The following AMMECR1 variants were observed in gnomAD, a reference collection of about 807,000 sequenced individuals.
AMMECR1 encodes the protein AMMECR nuclear protein 1.
Under a neutral mutation model 22.5 loss-of-function variants are expected in AMMECR1, and 3 were observed. The observed-to-expected ratio is 0.13, with a 90% CI of 0.06 to 0.35. AMMECR1 has a LOEUF of 0.35. Ranked by LOEUF, AMMECR1 falls within the 10% of genes least tolerant of loss-of-function variation. AMMECR1 has a pLI of 1.00. For missense variants in AMMECR1, 235 were observed against 278.7 expected (o/e 0.84, Z 1.12); for synonymous variants, 130 against 116.7 (o/e 1.11, Z -0.74).
At chrX:110,240,542 T>G in intron 2 of AMMECR1, among the ~76,000 whole-genome samples, 1 of 107,199 alleles carries the variant, frequency 9.3e-6, no homozygotes, top group East Asian at 2.9e-4. Context: ...ATCCTAAATA[T>G]ATATGCACCC....
At chrX:110,316,354 C>G (rs2068047598) in intron 1 of AMMECR1, among the ~76,000 whole-genome samples, 1 of 111,525 alleles carries the variant, frequency 9.0e-6, no homozygotes, top group Non-Finnish European at 1.9e-5. Context: ...AACATCAATT[C>G]AGGTATTTAT....
At chrX:110,318,349 A>G (rs1475558577), upstream of AMMECR1, 1 of 111,413 alleles carries the variant, frequency 9.0e-6, no homozygotes, top group Non-Finnish European at 1.9e-5. Flanking sequence ...CCCAATCTCA[A>G]TCTCTCCGGC....
At chrX:110,346,932 A>G (rs766731796) in intron 2 of AMMECR1, 6 of 542,898 alleles carry the variant, frequency 1.1e-5, no homozygotes, top group Non-Finnish European at 2.0e-5. Context: ...GGCCGGGCCG[A>G]TTCGTGGGTC....
rs771229072 is a variant in AMMECR1 at position 110,344,822 on chromosome X, G to A, written c.-147-26973C>T. Among the ~76,000 whole-genome samples, 22 of 111,104 alleles carry A rather than the reference G, an allele frequency of 2.0e-4. 1 individual carries two copies. In the South Asian group the frequency reaches 5.0e-3, roughly 25 times the overall value. On this transcript the variant is annotated intron_variant, in intron 2 of 7. Transcript: ENST00000372057. ...ACCATCTCACACCAGTTAGAATGGCGATCATTAAAAAGTCAGGAAACAACA... is the reference window on the plus strand; with the variant it reads ...ACCATCTCACACCAGTTAGAATGGCAATCATTAAAAAGTCAGGAAACAACA...
rs759456747 is a variant in AMMECR1 at position 110,318,045 on chromosome X, C to T, written c.27G>A (p.Lys9=). Residue 9 remains lysine, a synonymous_variant, in exon 1 of 6, where the codon AAG becomes AAA. Transcript: ENST00000262844. ...GGGGCGAACTGGACAGTTTCTGCTT[C>T]TTCACCCCGCAGCAACCCGCCGCCA... MAAGCCGV[K]KQKLSSSPPS... 1.7e-6 allele frequency: 2 copies of T among 1,202,097 alleles called. No individual in the cohort carries two copies. Among genetic ancestry groups the T allele is most frequent in the African/African-American group, 1.8e-5 (1 of 56,927 alleles).
chrX:110,204,262 A>G (rs746349238), intron 3 of AMMECR1, among the ~76,000 whole-genome samples: 2 of 111,333 alleles, frequency 1.8e-5, no homozygotes, highest in South Asian at 7.5e-4. Flanking sequence ...AGTAATTTAT[A>G]CTCCATCATC....
At chrX:110,290,837 G>A (rs1285336717) in intron 1 of AMMECR1, among the ~76,000 whole-genome samples, 2 of 111,312 alleles carry the variant, frequency 1.8e-5, no homozygotes, top group Non-Finnish European at 3.8e-5. Flanking sequence ...CTACTACCCC[G>A]TTTTCTTCAA....
chrX:110,325,684 T>C (rs1263694047), intron 2 of AMMECR1, among the ~76,000 whole-genome samples: 1 of 112,368 alleles, frequency 8.9e-6, no homozygotes, highest in Non-Finnish European at 1.9e-5. Flanking sequence ...TCTCTTTTTT[T>C]GTCTAACTAA....
intron 3 of AMMECR1, among the ~76,000 whole-genome samples, chrX:110,205,539 C>T (rs771605352): frequency 9.0e-6 from 1 of 111,593 alleles, no homozygotes; most frequent in South Asian, 3.8e-4. Context: ...AACACTACCA[C>T]GGTAACTTTC....
intron 2 of AMMECR1, among the ~76,000 whole-genome samples, chrX:110,401,962 T>C (rs990870745): frequency 2.7e-5 from 3 of 112,193 alleles, no homozygotes; most frequent in Non-Finnish European, 5.6e-5. Flanking sequence ...TTCGCTTCCT[T>C]GTTTCTCTTT....
chrX:110,373,976 A>G (rs2068358229), intron 2 of AMMECR1, among the ~76,000 whole-genome samples: 2 of 112,316 alleles, frequency 1.8e-5, no homozygotes, highest in Non-Finnish European at 3.8e-5. Context: ...AGAATATAGC[A>G]TGGCACTATA....
intron 1 of AMMECR1, among the ~76,000 whole-genome samples, chrX:110,296,614 G>C (rs1318924148): frequency 9.0e-6 from 1 of 110,793 alleles, no homozygotes; most frequent in Non-Finnish European, 1.9e-5. Flanking sequence ...CAAGTTTCTT[G>C]ATTCTTCTGT....
chrX:110,263,878 T>C lies in AMMECR1; in HGVS notation c.584+611A>G, dbSNP rs2067754462. On this transcript the variant is annotated intron_variant, in intron 2 of 5. Coordinates refer to ENST00000262844, the MANE Select transcript of AMMECR1 (RefSeq NM_015365.3). ...CTTGAACCAAAAAATTCACATTGTG[T>C]GCTAGATAGCTTTTTGTGAATTCAG... Among the ~76,000 whole-genome samples the C allele has an allele frequency of 4.4e-5, 5 of 112,404 alleles. No individual in the cohort carries two copies. In the Admixed American group the frequency reaches 4.7e-4, roughly 11 times the overall value.
At chrX:110,231,259 G>C (rs752647306) in intron 2 of AMMECR1, among the ~76,000 whole-genome samples, 4 of 112,034 alleles carry the variant, frequency 3.6e-5, no homozygotes, top group African/African-American at 1.3e-4. Context: ...GAAGCAAAAA[G>C]TGTTAAGGGC....
intron 2 of AMMECR1, among the ~76,000 whole-genome samples, chrX:110,418,340 TCTCA>T (rs2068692808): frequency 8.9e-6 from 1 of 112,243 alleles, no homozygotes; most frequent in African/African-American, 3.2e-5. Context: ...CACTCGAGTC[TCTCA>T]CTGTGTAAAT....
chrX:110,316,845 G>C (rs904402652), intron 1 of AMMECR1, among the ~76,000 whole-genome samples: 2 of 108,629 alleles, frequency 1.8e-5, no homozygotes, highest in African/African-American at 3.4e-5. Flanking sequence ...TGTACAAACT[G>C]ACCGTGGCTC....
At chrX:110,346,053 G>T (rs1602915397) in intron 2 of AMMECR1, among the ~76,000 whole-genome samples, 2 of 111,783 alleles carry the variant, frequency 1.8e-5, no homozygotes, top group South Asian at 3.7e-4. Context: ...AGCAATTTTG[G>T]TTTTTCACCA....
chrX:110,435,176 G>A (rs1017852013), intron 1 of AMMECR1, among the ~76,000 whole-genome samples: 9 of 107,524 alleles, frequency 8.4e-5, no homozygotes, highest in African/African-American at 3.1e-4. Context: ...GAGGAAGGAG[G>A]GAAGGAGGGA....
At chrX:110,363,660 GC>G (rs1313927635) in intron 2 of AMMECR1, among the ~76,000 whole-genome samples, 1 of 110,466 alleles carries the variant, frequency 9.1e-6, no homozygotes, top group Admixed American at 9.6e-5. Flanking sequence ...CTGTGCCCTG[GC>G]CTACTGACAC....
Sources: allele counts gnomAD v4.1 joint callset (sites outside exome capture counted in the v4.1 genomes callset), GRCh38; gene constraint gnomAD v4.1.1; transcripts MANE v1.5; gene names NCBI Gene and HGNC (gene_info 2026-07-23, HGNC 2026-07-21).